The following MTUS1 variants were observed in gnomAD, a reference collection of about 807,000 sequenced individuals.
MTUS1 encodes microtubule associated scaffold protein 1, also known as microtubule-associated tumor suppressor 1.
MTUS1 carries 109 observed loss-of-function variants against 120.8 expected under a neutral mutation model. The ratio of observed to expected loss-of-function variants is 0.90; its 90% CI spans 0.77 to 1.06. MTUS1 has a LOEUF of 1.06. MTUS1 is among the 50% of genes least tolerant of loss of function. The probability of loss-of-function intolerance (pLI) is 0.00; values close to 1 mark genes in which losing one functional copy is unlikely to be tolerated. For synonymous variants in MTUS1, 737 were observed against 550.5 expected (o/e 1.34, Z -4.74); for missense variants, 2,210 against 1,486.3 (o/e 1.49, Z -8.01).
rs899929922 is a variant in MTUS1 at position 17,645,911 on chromosome 8, G to C, written c.*15C>G. 6.2e-7 allele frequency: 1 copy of C among 1,606,142 alleles called. No individual in the cohort carries two copies. Among genetic ancestry groups the C allele is most frequent in the African/African-American group, 1.3e-5 (1 of 74,956 alleles). On this transcript the variant is annotated 3_prime_UTR_variant, in exon 15 of 15. Transcript: ENST00000693296. ...TCAAAATGCTTTCAGAGAGTCTGTG[G>C]ACTTTGGGGAGGTGTCATCTGGGTG... is the stretch of plus-strand genomic sequence containing the variant.
At chr8:17,762,336 C>A (rs1431876142) in intron 1 of MTUS1, among the ~76,000 whole-genome samples, 5 of 152,158 alleles carry the variant, frequency 3.3e-5, no homozygotes, top group African/African-American at 4.8e-5. Context: ...TCATCAGCAG[C>A]ATGTATTATA....
At chr8:17,659,074 G>A (rs1332128019) in intron 8 of MTUS1, among the ~76,000 whole-genome samples, 2 of 152,148 alleles carry the variant, frequency 1.3e-5, no homozygotes, top group Admixed American at 6.5e-5. Flanking sequence ...ATATAGATAA[G>A]GAAACCGCCA....
In MTUS1 at chr8:17,755,140, TAAG is replaced by T; in HGVS notation, c.665_667del (p.Thr222_Tyr223delinsAsn). 6.2e-7 allele frequency: 1 copy of T among 1,614,122 alleles called. No homozygotes were observed. The highest frequency in any genetic ancestry group is 1.1e-5 in the South Asian group (1 of 91,078). On this transcript the variant is annotated inframe_deletion, in exon 2 of 15. Transcript: ENST00000693296. ...AGGGTTTTCAAAGCTTTCTCTATCA[TAAG>T]TAGTTTCTCTTGCATGCGTCTTATC... is the stretch of plus-strand genomic sequence containing the variant.
intron 2 of MTUS1, among the ~76,000 whole-genome samples, chr8:17,744,633 T>C (rs527329409): frequency 2.2e-4 from 34 of 151,244 alleles, no homozygotes; most frequent in Non-Finnish European, 4.1e-4. Flanking sequence ...TAGCTAAGTT[T>C]TGTATTTTTT....
chr8:17,783,181 C>A (rs1229683627), intron 1 of MTUS1, among the ~76,000 whole-genome samples: 1 of 152,196 alleles, frequency 6.6e-6, no homozygotes. Context: ...TGAGCTACAG[C>A]TCCAAGAAAT....
chr8:17,652,416 CT>C (rs1807205253), intron 12 of MTUS1, among the ~76,000 whole-genome samples: 1 of 152,050 alleles, frequency 6.6e-6, no homozygotes, highest in East Asian at 1.9e-4. Flanking sequence ...TACAATCAAC[CT>C]TTTCTATTCA....
At chr8:17,695,894 G>T (rs1817846540) in intron 6 of MTUS1, among the ~76,000 whole-genome samples, 1 of 152,174 alleles carries the variant, frequency 6.6e-6, no homozygotes, top group Admixed American at 6.5e-5. Flanking sequence ...TGTCTCCACG[G>T]AGAGCAGACA....
In MTUS1 at chr8:17,645,795, T is replaced by G; in HGVS notation, c.*131A>C. 8.2e-7 allele frequency: 1 copy of G among 1,225,592 alleles called. No individual in the cohort carries two copies. Among genetic ancestry groups the G allele is most frequent in the Non-Finnish European group, 1.1e-6 (1 of 930,448 alleles). The allele number at this position is 1,225,592 out of a possible 1,614,324, so 75.9% of individuals were successfully genotyped here. A position where few individuals can be genotyped will look rare whatever the true frequency, so the allele number is the denominator to read the frequency against. ...TCAGAAGCTGCGATTCCGCCGGTGG[T>G]GACGCTCCAGTTACCCTACGGTGAT... On this transcript the variant is annotated 3_prime_UTR_variant, in exon 15 of 15. Coordinates refer to ENST00000693296, the MANE Select transcript of MTUS1 (RefSeq NM_001363059.2).
At chr8:17,700,802 A>C (rs1818926150) in intron 6 of MTUS1, among the ~76,000 whole-genome samples, 1 of 152,220 alleles carries the variant, frequency 6.6e-6, no homozygotes, top group South Asian at 2.1e-4. Context: ...ACACAAAGAA[A>C]AATAAACGAT....
At chr8:17,714,042 C>G (rs1054144967) in intron 5 of MTUS1, among the ~76,000 whole-genome samples, 3 of 152,136 alleles carry the variant, frequency 2.0e-5, no homozygotes, top group Non-Finnish European at 4.4e-5. Context: ...ATTTTAGTAT[C>G]AAAGTTCAAC....
intron 8 of MTUS1, among the ~76,000 whole-genome samples, chr8:17,661,347 T>C (rs1380505235): frequency 1.3e-5 from 2 of 151,956 alleles, no homozygotes; most frequent in African/African-American, 4.8e-5. Context: ...AGTTAAAAAA[T>C]AAAAAAGCAG....
intron 4 of MTUS1, 79 bp downstream of exon 4, chr8:17,723,593 C>A: frequency 6.8e-7 from 1 of 1,464,910 alleles, no homozygotes; most frequent in Non-Finnish European, 9.6e-7. Context: ...AACAAAAATT[C>A]TAATTATTTG....
chr8:17,701,838 C>T (rs1353911094), intron 6 of MTUS1, among the ~76,000 whole-genome samples: 3 of 152,164 alleles, frequency 2.0e-5, no homozygotes, highest in Admixed American at 6.5e-5. Context: ...CGTGAGCCAC[C>T]GCACCCGGCC....
intron 1 of MTUS1, among the ~76,000 whole-genome samples, chr8:17,778,278 C>T (rs2131502884): frequency 6.6e-6 from 1 of 152,280 alleles, no homozygotes; most frequent in African/African-American, 2.4e-5. Context: ...ACACAAAAGT[C>T]TCCATACTCT....
chr8:17,679,785 G>A (rs994535851), intron 7 of MTUS1, among the ~76,000 whole-genome samples: 5 of 152,070 alleles, frequency 3.3e-5, no homozygotes, highest in Non-Finnish European at 7.4e-5. Flanking sequence ...TTACAGGTGT[G>A]AGCCACCATG....
intron 1 of MTUS1, chr8:17,758,273 G>T (rs1172004994): frequency 1.3e-5 from 2 of 152,208 alleles, no homozygotes; most frequent in East Asian, 3.8e-4. Flanking sequence ...ACAGTGCTCT[G>T]TGTCTTTCTG....
At chr8:17,703,761 T>C (rs1246388020) in intron 6 of MTUS1, among the ~76,000 whole-genome samples, 1 of 152,010 alleles carries the variant, frequency 6.6e-6, no homozygotes, top group Non-Finnish European at 1.5e-5. Context: ...TGCTCTCAAA[T>C]CCTGTTTTCT....
chr8:17,756,012 G>T, intron 1 of MTUS1, 51 bp from the exon 2 acceptor site: 2 of 1,205,670 alleles, frequency 1.7e-6, no homozygotes, highest in Non-Finnish European at 2.2e-6. Context: ...AAATTAACAG[G>T]CCACCCCTTG....
At chr8:17,724,323 A>C (rs1403684860) in intron 3 of MTUS1, among the ~76,000 whole-genome samples, 3 of 152,206 alleles carry the variant, frequency 2.0e-5, no homozygotes, top group Non-Finnish European at 4.4e-5. Flanking sequence ...TCACTCATTT[A>C]TACACAGAAA....
Sources: allele counts gnomAD v4.1 joint callset (sites outside exome capture counted in the v4.1 genomes callset), GRCh38; gene constraint gnomAD v4.1.1; transcripts MANE v1.5; gene names NCBI Gene and HGNC (gene_info 2026-07-23, HGNC 2026-07-21).